The following KCTD8 variants were observed in gnomAD, a reference collection of about 807,000 sequenced individuals.
KCTD8 encodes potassium channel tetramerization domain containing 8.
In KCTD8, 27 loss-of-function variants were observed where a neutral mutation model predicts 31.5. That is an observed-to-expected ratio of 0.86 (90% confidence interval 0.63 to 1.18). KCTD8 has a LOEUF of 1.18. Ranked by LOEUF, KCTD8 falls within the 50% of genes most tolerant of loss-of-function variation. The probability of loss-of-function intolerance (pLI) is 0.00; values close to 1 mark genes in which losing one functional copy is unlikely to be tolerated. For missense variants in KCTD8, 658 were observed against 647.7 expected (o/e 1.02, Z -0.17); for synonymous variants, 290 against 280.0 (o/e 1.04, Z -0.36).
intron 1 of KCTD8, among the ~76,000 whole-genome samples, chr4:44,224,506 ATC>A (rs1714894140): frequency 6.9e-6 from 1 of 145,704 alleles, no homozygotes; most frequent in East Asian, 2.0e-4. Context: ...ATGTCAGACA[ATC>A]TCTAAAATTT....
At chr4:44,212,450 T>C (rs1297791159) in intron 1 of KCTD8, among the ~76,000 whole-genome samples, 1 of 152,126 alleles carries the variant, frequency 6.6e-6, no homozygotes, top group Non-Finnish European at 1.5e-5. Flanking sequence ...ATATTTGAGT[T>C]CCATAGTTTG....
chr4:44,303,212 A>T (rs1446082753), intron 1 of KCTD8, among the ~76,000 whole-genome samples: 1 of 152,122 alleles, frequency 6.6e-6, no homozygotes, highest in Non-Finnish European at 1.5e-5. Flanking sequence ...CAGCTTTGGA[A>T]TCAAGATGAT....
At chr4:44,432,362 T>C (rs1235392175) in intron 1 of KCTD8, among the ~76,000 whole-genome samples, 1 of 151,588 alleles carries the variant, frequency 6.6e-6, no homozygotes, top group African/African-American at 2.4e-5. Flanking sequence ...CAGATCTCTG[T>C]CCTCTTTTCA....
intron 1 of KCTD8, among the ~76,000 whole-genome samples, chr4:44,435,134 A>G (rs575645622): frequency 6.6e-6 from 1 of 152,064 alleles, no homozygotes; most frequent in Admixed American, 6.6e-5. Flanking sequence ...ACTTCGAAGC[A>G]ATTTATGGGC....
chr4:44,272,543 T>A (rs1488462043), intron 1 of KCTD8, among the ~76,000 whole-genome samples: 3 of 152,080 alleles, frequency 2.0e-5, no homozygotes, highest in Non-Finnish European at 4.4e-5. Context: ...AAAATTATAA[T>A]CTATTCAGGA....
At chr4:44,264,435 A>G (rs1312374850) in intron 1 of KCTD8, among the ~76,000 whole-genome samples, 1 of 152,042 alleles carries the variant, frequency 6.6e-6, no homozygotes, top group Non-Finnish European at 1.5e-5. Flanking sequence ...TCAGCATTAC[A>G]TTATAAAGTC....
At chr4:44,188,556 T>G (rs748178899) in intron 1 of KCTD8, among the ~76,000 whole-genome samples, 1 of 152,138 alleles carries the variant, frequency 6.6e-6, no homozygotes, top group African/African-American at 2.4e-5. Flanking sequence ...CCATAAAAGA[T>G]AGCAGGCCCG....
chr4:44,279,028 C>G (rs1368512692), intron 1 of KCTD8, among the ~76,000 whole-genome samples: 1 of 152,028 alleles, frequency 6.6e-6, no homozygotes, highest in African/African-American at 2.4e-5. Flanking sequence ...TCAAATAATT[C>G]TGGATCTTAG....
intron 1 of KCTD8, among the ~76,000 whole-genome samples, chr4:44,250,910 A>G (rs548669407): frequency 1.3e-5 from 2 of 151,776 alleles, no homozygotes; most frequent in South Asian, 4.2e-4. Context: ...TTTGTCTTTA[A>G]TTTCATGTAC....
intron 1 of KCTD8, among the ~76,000 whole-genome samples, chr4:44,337,270 C>T (rs931443974): frequency 2.0e-5 from 3 of 151,874 alleles, no homozygotes; most frequent in South Asian, 2.1e-4. Context: ...TTTAAATGGT[C>T]AAACCTATGA....
intron 1 of KCTD8, among the ~76,000 whole-genome samples, chr4:44,298,467 G>A (rs1354770463): frequency 1.3e-5 from 2 of 151,418 alleles, no homozygotes; most frequent in Non-Finnish European, 2.9e-5. Context: ...TGGGGGAAAA[G>A]GAGAAGAAAG....
intron 1 of KCTD8, among the ~76,000 whole-genome samples, chr4:44,247,610 G>A (rs761169288): frequency 3.3e-5 from 5 of 151,826 alleles, no homozygotes; most frequent in Admixed American, 3.3e-4. Context: ...CCATTGAACA[G>A]CAACTTTTTA....
chr4:44,299,855 T>C (rs1717555498), intron 1 of KCTD8, among the ~76,000 whole-genome samples: 1 of 148,850 alleles, frequency 6.7e-6, no homozygotes. Flanking sequence ...TGGGTTCACA[T>C]CTTTCTCCTG....
chr4:44,287,341 ATTAT>A (rs1259774672), intron 1 of KCTD8, among the ~76,000 whole-genome samples: 2 of 152,194 alleles, frequency 1.3e-5, no homozygotes, highest in Non-Finnish European at 2.9e-5. Flanking sequence ...TATAAAATGA[ATTAT>A]TTAAGCATAT....
chr4:44,270,919 C>A (rs1188445967), intron 1 of KCTD8, among the ~76,000 whole-genome samples: 1 of 152,042 alleles, frequency 6.6e-6, no homozygotes, highest in African/African-American at 2.4e-5. Flanking sequence ...CCCTACCCAA[C>A]ATTTTTTCTT....
intron 1 of KCTD8, among the ~76,000 whole-genome samples, chr4:44,404,745 C>T (rs528240757): frequency 3.9e-5 from 6 of 151,976 alleles, no homozygotes; most frequent in Non-Finnish European, 7.4e-5. Flanking sequence ...TCAAGAAATC[C>T]CCTAACTTAT....
chr4:44,419,941 G>A (rs1303778082), intron 1 of KCTD8, among the ~76,000 whole-genome samples: 1 of 151,984 alleles, frequency 6.6e-6, no homozygotes, highest in Non-Finnish European at 1.5e-5. Context: ...AACAAAAACC[G>A]CTGGGAGTGG....
chr4:44,300,965 T>C (rs1184593465), intron 1 of KCTD8, among the ~76,000 whole-genome samples: 9 of 139,192 alleles, frequency 6.5e-5, no homozygotes, highest in African/African-American at 2.4e-4. Flanking sequence ...GAACATGCGG[T>C]GTTTGGTTTT....
chr4:44,382,447 T>C (rs890921947), intron 1 of KCTD8, among the ~76,000 whole-genome samples: 1 of 151,892 alleles, frequency 6.6e-6, no homozygotes, highest in Admixed American at 6.6e-5. Context: ...AACAAGATGG[T>C]CGGGCATGGT....
Sources: allele counts gnomAD v4.1 joint callset (sites outside exome capture counted in the v4.1 genomes callset), GRCh38; gene constraint gnomAD v4.1.1; transcripts MANE v1.5; gene names NCBI Gene and HGNC (gene_info 2026-07-23, HGNC 2026-07-21).